The following SLC35E4 variants were observed in gnomAD, a reference collection of about 807,000 sequenced individuals.
SLC35E4 encodes the protein solute carrier family 35 member E4.
Under a neutral mutation model 19.3 loss-of-function variants are expected in SLC35E4, and 15 were observed. The observed-to-expected ratio is 0.78, with a 90% CI of 0.52 to 1.20. The LOEUF (loss-of-function observed/expected upper bound fraction) is 1.20, where lower values mean the gene tolerates loss of function less well. Ranked by LOEUF, SLC35E4 falls within the 50% of genes most tolerant of loss-of-function variation. The probability of loss-of-function intolerance (pLI) is 0.00; values close to 1 mark genes in which losing one functional copy is unlikely to be tolerated. For missense variants in SLC35E4, 406 were observed against 472.3 expected, an observed-to-expected ratio of 0.86 and a Z score of 1.30; for synonymous variants, 219 against 219.9, an observed-to-expected ratio of 1.00 and a Z score of 0.04.
At chr22:30,663,859 C>A, downstream of SLC35E4, 2 of 1,614,226 alleles carry the variant, frequency 1.2e-6, no homozygotes, top group Non-Finnish European at 8.5e-7. Context: ...ACATTGATGA[C>A]CATGGTGATC....
intron 1 of SLC35E4, 30 bp downstream of exon 1, chr22:30,637,099 TGG>T: frequency 6.5e-7 from 1 of 1,538,960 alleles, no homozygotes; most frequent in Admixed American, 1.9e-5. Context: ...ATTGAGAAGG[TGG>T]GGGTCCGGGT....
intron 2 of SLC35E4, among the ~76,000 whole-genome samples, chr22:30,659,637 G>A (rs1455107921): frequency 7.2e-5 from 11 of 152,154 alleles, no homozygotes; most frequent in Admixed American, 6.5e-4. Flanking sequence ...CTCCCAAAGT[G>A]CAGGGATTAC....
At chr22:30,658,985 A>G (rs553175455) in intron 2 of SLC35E4, among the ~76,000 whole-genome samples, 154 of 152,074 alleles carry the variant, frequency 1.0e-3, no homozygotes, top group African/African-American at 3.5e-3. Context: ...TCTACTAGGC[A>G]TGGTGGCGGG....
chr22:30,660,668 C>T (rs1261608373), intron 2 of SLC35E4, among the ~76,000 whole-genome samples: 1 of 152,042 alleles, frequency 6.6e-6, no homozygotes, highest in East Asian at 1.9e-4. Context: ...ATAAGGATAA[C>T]CGAAAGAAAT....
In SLC35E4 at chr22:30,636,417, G is replaced by A. The variant is rs1167651986; in HGVS notation, c.-34G>A. 2.1e-6 allele frequency: 3 copies of A among 1,449,250 alleles called. No homozygotes were observed. Among genetic ancestry groups the A allele is most frequent in the East Asian group, 5.0e-5 (2 of 39,882 alleles). The allele number at this position is 1,449,250 out of a possible 1,614,324, so 89.8% of individuals were successfully genotyped here. On this transcript the variant is annotated 5_prime_UTR_variant, in exon 1 of 2. Coordinates refer to ENST00000343605, the MANE Select transcript of SLC35E4 (RefSeq NM_001001479.4). ...TGGTGGCCCAGAGGTCGTCACTGGG[G>A]AGCCCGCCTCCTGCCCTAGCCTCAC...
chr22:30,647,733 G>A lies in SLC35E4; in HGVS notation c.*702G>A, dbSNP rs370166878. ...GCGGTTACACAATCCTTCCTCCTGG[G>A]GGGGAGGCAGCTAGGAGGCCCAGCA... On this transcript the variant is annotated 3_prime_UTR_variant, in exon 2 of 2. Coordinates refer to ENST00000343605, the MANE Select transcript of SLC35E4 (RefSeq NM_001001479.4). 1 of 152,202 alleles carries A rather than the reference G, an allele frequency of 6.6e-6. No individual in the cohort carries two copies. The highest frequency in any genetic ancestry group is 2.4e-5 in the African/African-American group (1 of 41,432). 9.4% of individuals were successfully genotyped at this position (152,202 alleles called of 1,614,324 possible).
At chr22:30,650,268 G>T (rs2088188077), downstream of SLC35E4, among the ~76,000 whole-genome samples, 1 of 151,398 alleles carries the variant, frequency 6.6e-6, no homozygotes, top group African/African-American at 2.4e-5. Flanking sequence ...GGAGGCGGAG[G>T]TTGCAGTGAG....
chr22:30,664,091 G>A, downstream of SLC35E4: 14 of 1,323,766 alleles, frequency 1.1e-5, no homozygotes, highest in Non-Finnish European at 1.5e-5. Context: ...CTGCAGAGAG[G>A]GAGAGGATGT....
Position 30,653,270 on chromosome 22 carries a change from T to TG in SLC35E4, c.*8+4023dup, listed in dbSNP as rs200512858. Among the ~76,000 whole-genome samples the TG allele has an allele frequency of 7.5e-3, 1,135 of 152,212 alleles. 15 individuals carry two copies. Among genetic ancestry groups the TG allele is most frequent in the African/African-American group, 0.026 (1,085 of 41,514 alleles). ...CCACTGCCCTGAACCCTTCGGCTAT[T>TG]GGGGGGCCACCCTGTTCTCTATGCC... On this transcript the variant is annotated intron_variant, in intron 2 of 2. Transcript: ENST00000406566.
intron 2 of SLC35E4, among the ~76,000 whole-genome samples, chr22:30,658,729 G>C (rs2088396102): frequency 6.6e-6 from 1 of 152,142 alleles, no homozygotes; most frequent in Admixed American, 6.6e-5. Context: ...GCATGGACCT[G>C]ACCCTAAGCA....
rs56070783 is a variant in SLC35E4 at position 30,641,718 on chromosome 22, ATTTTTTTTTTT to A, written c.619+4666_619+4676del. On this transcript the variant is annotated intron_variant, in intron 1 of 1. Coordinates refer to ENST00000343605, the MANE Select transcript of SLC35E4 (RefSeq NM_001001479.4). ...ATGCCACCGTCCTGGCTAATTTTTA[ATTTTTTTTTTT>A]TTTTTTTTTTTTTTTTAGAAACAGG... Among the ~76,000 whole-genome samples the A allele has an allele frequency of 1.7e-3, 181 of 108,938 alleles. 1 individual carries two copies. In the East Asian group the frequency reaches 0.043, roughly 26 times the overall value. The allele number at this position is 108,938 out of a possible 152,430, so 71.5% of individuals were successfully genotyped here.
Position 30,647,015 on chromosome 22 carries a change from C to T in SLC35E4, c.1037C>T (p.Pro346Leu). The change falls in exon 2 of 2, where the codon CCC (proline) becomes CTC (leucine). Residue 346 changes from proline (P) to leucine (L), a missense_variant. Coordinates refer to ENST00000343605, the MANE Select transcript of SLC35E4 (RefSeq NM_001001479.4). ...CGGGGGCTGTGGCGGAGGGACCAGC[C>T]CAGCAAGGGTCTTTGAGACCTGGGG... ...ARRGLWRRDQ[P>L]SKGL The T allele has an allele frequency of 6.2e-7, 1 of 1,603,812 alleles. No individual in the cohort carries two copies. Among genetic ancestry groups the T allele is most frequent in the South Asian group, 1.1e-5 (1 of 89,972 alleles).
At chr22:30,660,933 G>A (rs1368948229) in intron 2 of SLC35E4, among the ~76,000 whole-genome samples, 3 of 151,358 alleles carry the variant, frequency 2.0e-5, no homozygotes, top group African/African-American at 7.3e-5. Flanking sequence ...TCTGCCTCCC[G>A]GGTTCAAGTA....
chr22:30,639,181 C>A (rs1314725267), intron 1 of SLC35E4, among the ~76,000 whole-genome samples: 1 of 152,060 alleles, frequency 6.6e-6, no homozygotes, highest in Non-Finnish European at 1.5e-5. Context: ...AGCTGGGTGT[C>A]CGGGGGAGAC....
Position 30,636,486 on chromosome 22 carries a change from G to A in SLC35E4, c.36G>A (p.Arg12=), listed in dbSNP as rs1418620186. The change falls in exon 1 of 2, where the codon AGG becomes AGA. Residue 12 remains arginine (R), a synonymous_variant. Transcript: ENST00000343605. ...GCCCGCCGGAGCACCATGATGGCAGGATGACCTCAGCCGAAGTAGGAGCAG... is the reference window on the plus strand; with the variant it reads ...GCCCGCCGGAGCACCATGATGGCAGAATGACCTCAGCCGAAGTAGGAGCAG... The part of the protein sequence containing the change: ...CRCPPEHHDG[R]MTSAEVGAAA... 6.6e-7 allele frequency: 1 copy of A among 1,523,194 alleles called. No homozygotes were observed. The allele number at this position is 1,523,194 out of a possible 1,614,324, so 94.4% of individuals were successfully genotyped here.
chr22:30,663,868 T>G (rs773395999), downstream of SLC35E4: 1 of 1,614,150 alleles, frequency 6.2e-7, no homozygotes, highest in Non-Finnish European at 8.5e-7. Context: ...ACCATGGTGA[T>G]CTGGTTGCTA....
At chr22:30,649,330 C>A, downstream of SLC35E4, 1 of 702,376 alleles carries the variant, frequency 1.4e-6, no homozygotes, top group Non-Finnish European at 2.7e-6. Context: ...CAAAATGTCT[C>A]CCATTTGTGT....
At chr22:30,661,205 C>T (rs940065115) in intron 2 of SLC35E4, among the ~76,000 whole-genome samples, 22 of 152,092 alleles carry the variant, frequency 1.4e-4, no homozygotes, top group African/African-American at 5.1e-4. Context: ...GCCACCCCCC[C>T]GCCAAGTGAA....
chr22:30,654,276 G>T (rs143206465), intron 2 of SLC35E4: 1 of 439,410 alleles, frequency 2.3e-6, no homozygotes, highest in Non-Finnish European at 4.5e-6. Context: ...GAGCCACCGC[G>T]CCCGGCCATC....
Sources: allele counts gnomAD v4.1 joint callset (sites outside exome capture counted in the v4.1 genomes callset), GRCh38; gene constraint gnomAD v4.1.1; transcripts MANE v1.5; gene names NCBI Gene and HGNC (gene_info 2026-07-23, HGNC 2026-07-21).